The following ELOVL5 variants were observed in gnomAD, a reference collection of about 807,000 sequenced individuals.
The protein encoded by ELOVL5 is ELOVL fatty acid elongase 5, also known as very long chain fatty acid elongase 5.
Under a neutral mutation model 38.6 loss-of-function variants are expected in ELOVL5, and 8 were observed. That is an observed-to-expected ratio of 0.21 (90% CI 0.12 to 0.37). The LOEUF (loss-of-function observed/expected upper bound fraction) is 0.37, where lower values mean the gene tolerates loss of function less well. ELOVL5 is among the 10% of genes least tolerant of loss of function. ELOVL5 has a pLI of 1.00. For synonymous variants in ELOVL5, 127 were observed against 133.7 expected, an observed-to-expected ratio of 0.95 and a Z score of 0.34; for missense variants, 280 against 367.8, an observed-to-expected ratio of 0.76 and a Z score of 1.95.
intron 6 of ELOVL5, among the ~76,000 whole-genome samples, chr6:53,272,556 T>C (rs1254142461): frequency 6.6e-6 from 1 of 152,214 alleles, no homozygotes; most frequent in African/African-American, 2.4e-5. Flanking sequence ...TGAGCAGTAG[T>C]AGTATTAATT....
intron 1 of ELOVL5, among the ~76,000 whole-genome samples, chr6:53,300,286 A>G (rs1375857797): frequency 6.6e-6 from 1 of 152,114 alleles, no homozygotes; most frequent in Non-Finnish European, 1.5e-5. Flanking sequence ...GCAGCCCCAT[A>G]ACTAGTGTCC....
intron 1 of ELOVL5, among the ~76,000 whole-genome samples, chr6:53,322,995 T>C (rs969477870): frequency 3.3e-5 from 5 of 152,222 alleles, no homozygotes; most frequent in African/African-American, 4.8e-5. Context: ...ACTTAATGTG[T>C]GCTAAGCATC....
intron 1 of ELOVL5, among the ~76,000 whole-genome samples, chr6:53,339,534 T>C (rs1350124143): frequency 2.0e-5 from 3 of 152,192 alleles, no homozygotes; most frequent in Non-Finnish European, 4.4e-5. Context: ...ACGCATCGCA[T>C]AATGACCTTT....
chr6:53,279,918 G>A (rs895006291), intron 3 of ELOVL5, among the ~76,000 whole-genome samples: 11 of 152,174 alleles, frequency 7.2e-5, no homozygotes, highest in African/African-American at 2.4e-4. Context: ...CCCCCTCAGA[G>A]GATAGCAATG....
intron 6 of ELOVL5, among the ~76,000 whole-genome samples, chr6:53,271,703 T>C (rs1012656234): frequency 6.6e-6 from 1 of 152,210 alleles, no homozygotes; most frequent in African/African-American, 2.4e-5. Flanking sequence ...AAGAGATCCT[T>C]CTACCTCAGC....
At chr6:53,335,724 C>G (rs1769034553) in intron 1 of ELOVL5, among the ~76,000 whole-genome samples, 1 of 152,186 alleles carries the variant, frequency 6.6e-6, no homozygotes, top group Non-Finnish European at 1.5e-5. Flanking sequence ...GTACTTTTAG[C>G]TGCACATGGC....
At chr6:53,302,935 G>A (rs1767319365) in intron 1 of ELOVL5, among the ~76,000 whole-genome samples, 1 of 152,010 alleles carries the variant, frequency 6.6e-6, no homozygotes, top group African/African-American at 2.4e-5. Flanking sequence ...AAATGAGTCA[G>A]CTGAGTTTAC....
intron 6 of ELOVL5, among the ~76,000 whole-genome samples, chr6:53,271,976 T>A (rs1340949884): frequency 6.6e-6 from 1 of 152,180 alleles, no homozygotes; most frequent in Non-Finnish European, 1.5e-5. Flanking sequence ...TCTCCTCAAG[T>A]ATAACAAGGA....
chr6:53,310,192 G>A (rs1244902554), intron 1 of ELOVL5, among the ~76,000 whole-genome samples: 2 of 152,210 alleles, frequency 1.3e-5, no homozygotes, highest in Non-Finnish European at 2.9e-5. Flanking sequence ...GGGAAGAGAA[G>A]TGAAAAGGCT....
chr6:53,299,691 T>C (rs1009671084), intron 1 of ELOVL5, among the ~76,000 whole-genome samples: 14 of 152,326 alleles, frequency 9.2e-5, no homozygotes, highest in East Asian at 3.9e-4. Context: ...TCCCAAATAA[T>C]CTGAGTCTAA....
rs553214667 is a variant in ELOVL5, at chr6:53,289,929, T to C, written c.246+1847A>G. 3.9e-5 allele frequency among the ~76,000 whole-genome samples: 6 copies of C among 152,342 alleles called. No individual in the cohort carries two copies. In the East Asian group the frequency reaches 9.6e-4, roughly 24 times the overall value. On this transcript the variant is annotated intron_variant, in intron 3 of 7. Coordinates refer to ENST00000304434, the MANE Select transcript of ELOVL5 (RefSeq NM_021814.5). ...ATAGCTTTTTGTAAACTTGATTTAA[T>C]TTAAGGAAACATTGCCTCTTTGTCT...
chr6:53,303,813 GAGA>G (rs991857691), intron 1 of ELOVL5, among the ~76,000 whole-genome samples: 2 of 152,158 alleles, frequency 1.3e-5, no homozygotes, highest in Non-Finnish European at 2.9e-5. Flanking sequence ...ACCATCGCTG[GAGA>G]AGGACATCCT....
At chr6:53,295,762 A>C in intron 1 of ELOVL5, 55 bp from the exon 2 acceptor site, 2 of 1,103,564 alleles carry the variant, frequency 1.8e-6, no homozygotes, top group Non-Finnish European at 2.6e-6. Flanking sequence ...TTTTTTATAC[A>C]GTATTTTTTC....
At chr6:53,341,303 A>G (rs569408212) in intron 1 of ELOVL5, among the ~76,000 whole-genome samples, 1 of 152,344 alleles carries the variant, frequency 6.6e-6, no homozygotes, top group East Asian at 1.9e-4. Context: ...TTATACCGTC[A>G]GCCTCCCAGA....
In ELOVL5 at chr6:53,294,150, C is replaced by T; in HGVS notation, c.58+1492G>A. ...CATTTTCCCACAAATACTCATCTTT[C>T]CAAATTGGCACATATTCATCCTCCC... On this transcript the variant is annotated intron_variant, in intron 2 of 7. Coordinates refer to ENST00000304434, the MANE Select transcript of ELOVL5 (RefSeq NM_021814.5). 4.9e-6 allele frequency: 7 copies of T among 1,415,508 alleles called. No individual in the cohort carries two copies. The South Asian group carries it at 6.8e-5, about 14-fold the overall frequency. 87.7% of individuals were successfully genotyped at this position (1,415,508 alleles called of 1,614,324 possible). A position where few individuals can be genotyped will look rare whatever the true frequency, so the allele number is the denominator to read the frequency against.
At chr6:53,343,808 T>G (rs1769428221) in intron 1 of ELOVL5, among the ~76,000 whole-genome samples, 1 of 152,204 alleles carries the variant, frequency 6.6e-6, no homozygotes, top group Non-Finnish European at 1.5e-5. Flanking sequence ...TGTATGTACT[T>G]TACTATAAAC....
intron 1 of ELOVL5, among the ~76,000 whole-genome samples, chr6:53,320,492 C>T (rs892905582): frequency 1.3e-5 from 2 of 151,976 alleles, no homozygotes; most frequent in East Asian, 2.0e-4. Flanking sequence ...CCCACCACCG[C>T]GCCTGGCTAA....
At chr6:53,283,450 A>G (rs771004175) in intron 3 of ELOVL5, among the ~76,000 whole-genome samples, 10 of 152,240 alleles carry the variant, frequency 6.6e-5, no homozygotes, top group Admixed American at 1.3e-4. Flanking sequence ...CCTCACAGAT[A>G]TATCTGTAAG....
intron 2 of ELOVL5, among the ~76,000 whole-genome samples, chr6:53,293,726 G>A (rs1766863949): frequency 6.6e-6 from 1 of 152,132 alleles, no homozygotes; most frequent in Admixed American, 6.5e-5. Flanking sequence ...ATATGTCCAC[G>A]TGGGGAACTG....
Sources: gnomAD v4.1 joint callset for allele counts (sites outside exome capture counted in the v4.1 genomes callset) on GRCh38, gnomAD v4.1.1 for gene constraint, MANE v1.5 for transcripts, NCBI Gene and HGNC (gene_info 2026-07-23, HGNC 2026-07-21) for gene names.